Variants in PLCD3 observed in about 807,000 individuals in gnomAD.
The protein encoded by PLCD3 is phospholipase C delta 3.
In PLCD3, 62 loss-of-function variants were observed where a neutral mutation model predicts 82.8. That is an observed-to-expected ratio of 0.75 (90% confidence interval 0.61 to 0.93). The LOEUF (loss-of-function observed/expected upper bound fraction) is 0.93, where lower values mean the gene tolerates loss of function less well. Among genes scored for constraint, PLCD3 ranks in the 40% least tolerant of loss-of-function variants. PLCD3 has a pLI of 0.00. For synonymous variants in PLCD3, 478 were observed against 471.8 expected, an observed-to-expected ratio of 1.01 and a Z score of -0.17; for missense variants, 1,023 against 1,103.4, an observed-to-expected ratio of 0.93 and a Z score of 1.03.
chr17:45,115,037 CCCTT>C lies in PLCD3; in HGVS notation c.1711+53_1711+56del. 5.2e-6 allele frequency: 8 copies of C among 1,541,286 alleles called. No homozygotes were observed. The South Asian group carries it at 6.2e-5, about 12-fold the overall frequency. ...AGCCCCCTCAACTCCTTTCCAGACT[CCCTT>C]CAGGAGGTCTCTCACCCTCTCGCCC... On this transcript the variant is annotated intron_variant, in intron 10 of 14. Coordinates refer to ENST00000619929, the MANE Select transcript of PLCD3 (RefSeq NM_133373.5).
At chr17:45,126,347 ATTTTTTTT>A (rs398030937) in intron 1 of PLCD3, among the ~76,000 whole-genome samples, 9 of 79,096 alleles carry the variant, frequency 1.1e-4, no homozygotes, top group Admixed American at 1.8e-4. Flanking sequence ...CGCCCAGCCT[ATTTTTTTT>A]TTTTTTTTTT....
Position 45,118,500 on chromosome 17 carries a change from G to C in PLCD3, c.914-8C>G. On this transcript the variant is annotated splice_region_variant and splice_polypyrimidine_tract_variant and intron_variant, in intron 5 of 14. Transcript: ENST00000619929. The surrounding 1 kb of genome is among the most constrained non-coding windows in gnomAD (Gnocchi z 4.1). Reference sequence around the variant, plus strand: ...TCAGCTCATGCTGCTTGGCTGCAGGGGTGGCAGGAGAGGGCATCAGGCCAC... The same window carrying C: ...TCAGCTCATGCTGCTTGGCTGCAGGCGTGGCAGGAGAGGGCATCAGGCCAC... 6.2e-6 allele frequency: 10 copies of C among 1,613,736 alleles called. No homozygotes were observed. The highest frequency in any genetic ancestry group is 8.5e-6 in the Non-Finnish European group (10 of 1,179,826).
At chr17:45,130,742 C>T (rs2054417590) in intron 1 of PLCD3, among the ~76,000 whole-genome samples, 1 of 152,090 alleles carries the variant, frequency 6.6e-6, no homozygotes, top group Non-Finnish European at 1.5e-5. Context: ...TCTCCACACT[C>T]ACTCCTGCCC....
In PLCD3 at chr17:45,118,702, G is replaced by A. The variant is rs2054311817; in HGVS notation, c.913+113C>T. On this transcript the variant is annotated intron_variant, in intron 5 of 14. Coordinates refer to ENST00000619929, the MANE Select transcript of PLCD3 (RefSeq NM_133373.5). This position sits in a 1 kb window ranked among gnomAD's most constrained non-coding sequence, Gnocchi z 4.1. ...TACACATGTGGAAGCTGAGTCTGGA[G>A]GAGGTGAGGTAACCTGCCCGAGATG... The A allele has an allele frequency of 6.7e-6, 8 of 1,186,104 alleles. No individual in the cohort carries two copies. In the Admixed American group the frequency reaches 7.1e-5, roughly 11 times the overall value. The allele number at this position is 1,186,104 out of a possible 1,614,324, so 73.5% of individuals were successfully genotyped here. A position where few individuals can be genotyped will look rare whatever the true frequency, so the allele number is the denominator to read the frequency against.
At chr17:45,129,858 G>T (rs1173599701) in intron 1 of PLCD3, among the ~76,000 whole-genome samples, 1 of 152,184 alleles carries the variant, frequency 6.6e-6, no homozygotes, top group Non-Finnish European at 1.5e-5. Flanking sequence ...CCCTAGTGTG[G>T]CCCTAAAGGA....
At chr17:45,128,146 C>T (rs1480608838) in intron 1 of PLCD3, among the ~76,000 whole-genome samples, 1 of 152,186 alleles carries the variant, frequency 6.6e-6, no homozygotes, top group Non-Finnish European at 1.5e-5. Context: ...GGCTGCCACA[C>T]CCAGGGCTGG....
chr17:45,126,629 A>G (rs2054383795), intron 1 of PLCD3, among the ~76,000 whole-genome samples: 1 of 151,288 alleles, frequency 6.6e-6, no homozygotes, highest in South Asian at 2.1e-4. Flanking sequence ...TTAAAGTTTA[A>G]TGATATAATA....
chr17:45,125,006 T>C (rs1004133242), intron 1 of PLCD3, among the ~76,000 whole-genome samples: 11 of 146,086 alleles, frequency 7.5e-5, no homozygotes, highest in African/African-American at 1.3e-4. Context: ...GCCTGACCAA[T>C]ATGGTGAAAC....
Position 45,121,556 on chromosome 17 carries a change from G to A in PLCD3, c.164-184C>T, listed in dbSNP as rs578100026. Among the ~76,000 whole-genome samples the A allele has an allele frequency of 4.6e-5, 7 of 152,216 alleles. No individual in the cohort carries two copies. The South Asian group carries it at 1.5e-3, about 32-fold the overall frequency. On this transcript the variant is annotated intron_variant, in intron 1 of 14. Coordinates refer to ENST00000619929, the MANE Select transcript of PLCD3 (RefSeq NM_133373.5). Reference sequence around the variant, plus strand: ...CCGATTGTAAGAAGCCTCCTGCACTGGGTTTGGCTTTAGGCTTTGGAGCCC... The same window carrying A: ...CCGATTGTAAGAAGCCTCCTGCACTAGGTTTGGCTTTAGGCTTTGGAGCCC...
rs779377583 is a variant in PLCD3, at chr17:45,114,384, T to A, written c.1712-18A>T. ...GCTGTTCCCTGGGGCAGAGTTGGGG[T>A]GAGACCGTGACAGACTCCGGGGGTC... On this transcript the variant is annotated intron_variant, in intron 10 of 14. Coordinates refer to ENST00000619929, the MANE Select transcript of PLCD3 (RefSeq NM_133373.5). The A allele has an allele frequency of 8.4e-6, 13 of 1,542,890 alleles. No homozygotes were observed. In the African/African-American group the frequency reaches 1.8e-4, roughly 21 times the overall value.
At chr17:45,120,577 T>C in intron 3 of PLCD3, 123 bp from the exon 4 acceptor site, 1 of 1,309,018 alleles carries the variant, frequency 7.6e-7, no homozygotes, top group Non-Finnish European at 1.1e-6. Context: ...ACTTTCCCCT[T>C]GGCCTGTGCA....
rs766528703 is a variant in PLCD3, at chr17:45,118,495, G to C, written c.914-3C>G. On this transcript the variant is annotated splice_region_variant and splice_polypyrimidine_tract_variant and intron_variant, in intron 5 of 14. Coordinates refer to ENST00000619929, the MANE Select transcript of PLCD3 (RefSeq NM_133373.5). The surrounding 1 kb of genome is among the most constrained non-coding windows in gnomAD (Gnocchi z 4.1). ...TGTCATCAGCTCATGCTGCTTGGCTGCAGGGGTGGCAGGAGAGGGCATCAG... is the reference window on the plus strand; with the variant it reads ...TGTCATCAGCTCATGCTGCTTGGCTCCAGGGGTGGCAGGAGAGGGCATCAG... 1.9e-5 allele frequency: 30 copies of C among 1,613,668 alleles called. No individual in the cohort carries two copies. Among genetic ancestry groups the C allele is most frequent in the Non-Finnish European group, 2.4e-5 (28 of 1,179,840 alleles).
At chr17:45,116,430 G>C (rs1189768957) in intron 8 of PLCD3, among the ~76,000 whole-genome samples, 1 of 152,072 alleles carries the variant, frequency 6.6e-6, no homozygotes, top group Non-Finnish European at 1.5e-5. Flanking sequence ...TGTGTGGGGG[G>C]GTCTAGTCAA....
rs778883129 is a variant in PLCD3, at chr17:45,121,346, C to A, written c.190G>T (p.Ala64Ser). ...MGLTEDEDVRAMLRGSRLRKI... is the reference protein window; with the variant it reads ...MGLTEDEDVRSMLRGSRLRKI... ...CGGAGCCGGGAGCCCCGCAGCATGG[C>A]GCGCACGTCCTCGTCCTCCGTCAGG... is the stretch of plus-strand genomic sequence containing the variant. Residue 64 changes from alanine (A) to serine (S), a missense_variant, in exon 2 of 15, where the codon GCC becomes TCC. Physicochemically the swap from Ala to Ser is moderately conservative, Grantham distance 99. This residue lies in a region of PLCD3 where 448 missense variants were observed against 406.3 expected (regional missense o/e 1.10). Coordinates refer to ENST00000619929, the MANE Select transcript of PLCD3 (RefSeq NM_133373.5). 7.8e-6 allele frequency: 12 copies of A among 1,542,312 alleles called. No individual in the cohort carries two copies. The highest frequency in any genetic ancestry group is 1.0e-5 in the Non-Finnish European group (12 of 1,152,304).
rs376384500 is a variant in PLCD3 at position 45,118,322 on chromosome 17, C to T, written c.1084G>A (p.Gly362Arg). ...TAGGCCTCGGTGCTGCTGGGCCCCC[C>T]GATCTGGGAGTCAGTCAGATAGGTG... ...HNTYLTDSQI[G>R]GPSSTEAYVR... Residue 362 changes from glycine to arginine, a missense_variant, in exon 6 of 15, where the codon GGG becomes AGG. Gly to Arg is a moderately radical substitution (Grantham distance 125). This residue lies in a region of PLCD3 where 553 missense variants were observed against 655.7 expected (regional missense o/e 0.84). Transcript: ENST00000619929. The surrounding 1 kb of genome is among the most constrained non-coding windows in gnomAD (Gnocchi z 4.1). 8 of 1,613,896 alleles carry T rather than the reference C, an allele frequency of 5.0e-6. No individual in the cohort carries two copies. The highest frequency in any genetic ancestry group is 1.7e-5 in the Admixed American group (1 of 60,002).
At chr17:45,116,836 T>C in intron 7 of PLCD3, 52 bp from the exon 8 acceptor site, 1 of 1,498,502 alleles carries the variant, frequency 6.7e-7, no homozygotes, top group Non-Finnish European at 8.9e-7. Flanking sequence ...TCTGCCAGTA[T>C]CTCCCAACAT....
At chr17:45,130,011 C>T (rs1356207030) in intron 1 of PLCD3, among the ~76,000 whole-genome samples, 1 of 152,198 alleles carries the variant, frequency 6.6e-6, no homozygotes, top group African/African-American at 2.4e-5. Context: ...GGGTGACAGG[C>T]CTAGGCCTTG....
At chr17:45,125,676 T>A (rs1020139241) in intron 1 of PLCD3, among the ~76,000 whole-genome samples, 1 of 152,134 alleles carries the variant, frequency 6.6e-6, no homozygotes, top group Non-Finnish European at 1.5e-5. Flanking sequence ...ATCGATACAA[T>A]GGAATAGTAT....
chr17:45,114,978 T>G, intron 10 of PLCD3, 116 bp downstream of exon 10: 2 of 1,391,986 alleles, frequency 1.4e-6, no homozygotes, highest in Non-Finnish European at 1.9e-6. Context: ...CAGCCCCTCT[T>G]TGGGGTCCTC....
Sources: allele counts gnomAD v4.1 joint callset (sites outside exome capture counted in the v4.1 genomes callset), GRCh38; gene constraint gnomAD v4.1.1; regional missense constraint gnomAD v4.1.1; non-coding constraint Gnocchi (gnomAD v3.1); transcripts MANE v1.5; gene names NCBI Gene and HGNC (gene_info 2026-07-23, HGNC 2026-07-21).